Variants in SMG1 observed in about 807,000 individuals in gnomAD.
SMG1 encodes SMG1 nonsense mediated mRNA decay associated PI3K related kinase, also known as serine/threonine-protein kinase SMG1.
In SMG1, 22 loss-of-function variants were observed where a neutral mutation model predicts 419.9. The ratio of observed to expected loss-of-function variants is 0.05; its 90% CI spans 0.04 to 0.07. The LOEUF is 0.07. Ranked by LOEUF, SMG1 falls within the 10% of genes least tolerant of loss-of-function variation. The pLI is 1.00. For synonymous variants in SMG1, 1,538 were observed against 1,553.5 expected (o/e 0.99, Z 0.23); for missense variants, 3,185 against 4,342.0 (o/e 0.73, Z 7.49).
intron 1 of SMG1, among the ~76,000 whole-genome samples, chr16:18,905,535 A>G (rs1162050726): frequency 2.0e-5 from 3 of 151,944 alleles, no homozygotes; most frequent in Non-Finnish European, 4.4e-5. Flanking sequence ...TCTAAAGTTT[A>G]TGAGTTTTTT....
chr16:18,926,089 C>T lies in SMG1; in HGVS notation c.-48G>A. On this transcript the variant is annotated 5_prime_UTR_variant, in exon 1 of 63. Coordinates refer to ENST00000446231, the MANE Select transcript of SMG1 (RefSeq NM_015092.5). ...CCAAGCGCCGCCGCCCAAAGAAGCG[C>T]GAGTCGCCGCCCGAACCGGCCGCCG... is the stretch of plus-strand genomic sequence containing the variant. The T allele has an allele frequency of 1.3e-6, 2 of 1,502,568 alleles. No individual in the cohort carries two copies. Among genetic ancestry groups the T allele is most frequent in the Non-Finnish European group, 1.8e-6 (2 of 1,130,962 alleles). 93.1% of individuals were successfully genotyped at this position (1,502,568 alleles called of 1,614,324 possible).
In SMG1 at chr16:18,849,390, G is replaced by A. The variant is rs754885295; in HGVS notation, c.5462-12C>T. Reference sequence around the variant, plus strand: ...TTGCGGAATAATTCCTTCAGGACAAGAAGAGAGAAAGACACTTTAAAGTTA... The same window carrying A: ...TTGCGGAATAATTCCTTCAGGACAAAAAGAGAGAAAGACACTTTAAAGTTA... On this transcript the variant is annotated splice_polypyrimidine_tract_variant and intron_variant, in intron 35 of 62. Transcript: ENST00000446231. 6.9e-6 allele frequency: 11 copies of A among 1,605,010 alleles called. No homozygotes were observed. In the African/African-American group the frequency reaches 1.5e-4, roughly 22 times the overall value.
chr16:18,842,397 C>T lies in SMG1; in HGVS notation c.6277G>A (p.Glu2093Lys). The T allele has an allele frequency of 6.2e-7, 1 of 1,613,964 alleles. No individual in the cohort carries two copies. Among genetic ancestry groups the T allele is most frequent in the Non-Finnish European group, 8.5e-7 (1 of 1,179,864 alleles). Reference sequence around the variant, plus strand: ...GCAGCCAACCATGGACTGATTTCTTCAAGACGCAAGATGTAACTTGCACGT... The same window carrying T: ...GCAGCCAACCATGGACTGATTTCTTTAAGACGCAAGATGTAACTTGCACGT... ...QKRASYILRL[E>K]EISPWLAAMT... Residue 2093 changes from glutamate to lysine, a missense_variant, in exon 40 of 63, where the codon GAA becomes AAA. Glu to Lys is a moderately conservative substitution (Grantham distance 56). Coordinates refer to ENST00000446231, the MANE Select transcript of SMG1 (RefSeq NM_015092.5).
At chr16:18,830,871 G>A (rs781283597) in intron 51 of SMG1, among the ~76,000 whole-genome samples, 15 of 151,680 alleles carry the variant, frequency 9.9e-5, no homozygotes, top group African/African-American at 2.9e-4. Context: ...ATTCCAATTC[G>A]TTATTAATGA....
At chr16:18,925,859 G>T in intron 1 of SMG1, 91 bp downstream of exon 1, 1 of 992,700 alleles carries the variant, frequency 1.0e-6, no homozygotes, top group Non-Finnish European at 1.4e-6. Context: ...GGAGGGCCTA[G>T]GCCGCGCCTC....
intron 25 of SMG1, among the ~76,000 whole-genome samples, chr16:18,862,065 C>T (rs1056117942): frequency 1.3e-5 from 2 of 152,146 alleles, no homozygotes; most frequent in Non-Finnish European, 2.9e-5. Context: ...TCCTCGACTT[C>T]AAGAAAAACT....
intron 10 of SMG1, among the ~76,000 whole-genome samples, chr16:18,881,181 G>A (rs1236546202): frequency 2.7e-5 from 4 of 150,132 alleles, no homozygotes; most frequent in African/African-American, 9.8e-5. Context: ...ATTCTCAAAG[G>A]CCTAAAAGAT....
chr16:18,836,255 A>C lies in SMG1; in HGVS notation c.7778-43T>G, dbSNP rs141731800. ...TATTAAACACAGTAAAACAGGGTCAAGTCAGCTGTCACTAAAAGCAAGCAC... is the reference window on the plus strand; with the variant it reads ...TATTAAACACAGTAAAACAGGGTCACGTCAGCTGTCACTAAAAGCAAGCAC... On this transcript the variant is annotated intron_variant, in intron 47 of 62. Transcript: ENST00000446231. 3.1e-4 allele frequency: 502 copies of C among 1,597,030 alleles called. No individual in the cohort carries two copies. The African/African-American group carries it at 6.1e-3, about 19-fold the overall frequency.
At chr16:18,841,168 G>C (rs1483836733) in intron 41 of SMG1, among the ~76,000 whole-genome samples, 1 of 152,192 alleles carries the variant, frequency 6.6e-6, no homozygotes, top group Admixed American at 6.5e-5. Context: ...GGGAGGCTGA[G>C]GCGGGTGGAT....
chr16:18,837,446 G>A lies in SMG1; in HGVS notation c.7414-3C>T. ...TCTCTATTCTTAAACCAGTTCACCT[G>A]TAAAAAGATATTACGATTAAGAAGA... On this transcript the variant is annotated splice_polypyrimidine_tract_variant and splice_region_variant and intron_variant, in intron 45 of 62. Transcript: ENST00000446231. The A allele has an allele frequency of 6.2e-7, 1 of 1,608,656 alleles. No homozygotes were observed. Among genetic ancestry groups the A allele is most frequent in the Non-Finnish European group, 8.5e-7 (1 of 1,177,302 alleles).
At chr16:18,846,919 CAG>C (rs1246500343) in intron 38 of SMG1, among the ~76,000 whole-genome samples, 2 of 152,256 alleles carry the variant, frequency 1.3e-5, no homozygotes, top group Admixed American at 6.5e-5. Context: ...TAATAGAAAG[CAG>C]AGAGTCAAAC....
Position 18,828,092 on chromosome 16 carries a change from G to A in SMG1, c.9680C>T (p.Thr3227Ile). 1 of 1,613,562 alleles carries A rather than the reference G, an allele frequency of 6.2e-7. No individual in the cohort carries two copies. The highest frequency in any genetic ancestry group is 8.5e-7 in the Non-Finnish European group (1 of 1,179,678). ...GGTATGCAGCTTCTTTTTCATGCTG[G>A]TTAGGATAGCAGACCGTGGGGGAGG... ...VTPPPRSAIL[T>I]SMKKKLHTLS... Residue 3227 changes from threonine to isoleucine, a missense_variant, in exon 55 of 63, where the codon ACC (threonine) becomes ATC (isoleucine). This residue lies in a region of SMG1 where 737 missense variants were observed against 846.6 expected (regional missense o/e 0.87). Coordinates refer to ENST00000446231, the MANE Select transcript of SMG1 (RefSeq NM_015092.5).
intron 60 of SMG1, 33 bp from the exon 61 acceptor site, chr16:18,812,160 T>C (rs190103824): frequency 1.9e-6 from 3 of 1,594,816 alleles, no homozygotes; most frequent in Non-Finnish European, 2.6e-6. Flanking sequence ...TCAATTTACA[T>C]GTAAACAGAA....
rs1448406981 is a variant in SMG1 at position 18,864,018 on chromosome 16, C to T, written c.3477G>A (p.Pro1159=). ...LANAGRNSAS[P]KHSLNGESRK... ...AACGCTCACCATTCAGAGAATGTTT[C>T]GGGCTGGCACTGTTACGCCCAGCAT... The change falls in exon 24 of 63, where the codon CCG becomes CCA. Residue 1159 remains proline (P), a synonymous_variant. Transcript: ENST00000446231. 5.8e-6 allele frequency: 9 copies of T among 1,549,900 alleles called. No homozygotes were observed. The highest frequency in any genetic ancestry group is 7.0e-6 in the Non-Finnish European group (8 of 1,146,962).
At position 18,896,033 on chromosome 16, in the gene SMG1, C is replaced by T; in HGVS notation, c.412+19G>A. 5.6e-6 allele frequency: 9 copies of T among 1,611,052 alleles called. No individual in the cohort carries two copies. Among genetic ancestry groups the T allele is most frequent in the Non-Finnish European group, 7.6e-6 (9 of 1,179,146 alleles). On this transcript the variant is annotated intron_variant, in intron 3 of 62. Coordinates refer to ENST00000446231, the MANE Select transcript of SMG1 (RefSeq NM_015092.5). ...CTTTGGAAGGTGTATGTGATTGGTC[C>T]CCGTTTTCCCAGCCTTACCCTGTGA...
At chr16:18,869,328 A>G in intron 19 of SMG1, 25 bp from the exon 20 acceptor site, 1 of 1,571,260 alleles carries the variant, frequency 6.4e-7, no homozygotes, top group South Asian at 1.1e-5. Flanking sequence ...TTCATATTTA[A>G]AAGACAATGA....
intron 1 of SMG1, among the ~76,000 whole-genome samples, chr16:18,919,409 C>G (rs1053852253): frequency 6.6e-6 from 1 of 151,132 alleles, no homozygotes; most frequent in African/African-American, 2.4e-5. Flanking sequence ...CGGATCATGA[C>G]ATCAGAAGAT....
At chr16:18,848,413 T>TC (rs1379718578) in intron 36 of SMG1, among the ~76,000 whole-genome samples, 1 of 151,704 alleles carries the variant, frequency 6.6e-6, no homozygotes, top group Admixed American at 6.6e-5. Context: ...TCTCCTGGGT[T>TC]CAAGTGATTC....
In SMG1 at chr16:18,806,579, G is replaced by A. The variant is rs998629205; in HGVS notation, c.*2990C>T. The stretch of plus-strand genomic sequence containing the variant: ...AAAGAGAAATAACTACACAAGCTAA[G>A]CTCTGTAGAGAAATCAACTAAAAAT... On this transcript the variant is annotated 3_prime_UTR_variant, in exon 63 of 63. Transcript: ENST00000446231. The A allele has an allele frequency of 6.6e-6, 1 of 152,196 alleles. No homozygotes were observed. The highest frequency in any genetic ancestry group is 1.5e-5 in the Non-Finnish European group (1 of 68,036). The allele number at this position is 152,196 out of a possible 1,614,324, so 9.4% of individuals were successfully genotyped here.
Sources: allele counts gnomAD v4.1 joint callset (sites outside exome capture counted in the v4.1 genomes callset), GRCh38; gene constraint gnomAD v4.1.1; regional missense constraint gnomAD v4.1.1; transcripts MANE v1.5; gene names NCBI Gene and HGNC (gene_info 2026-07-23, HGNC 2026-07-21).